EXOC6B: variants seen among roughly 807,000 people sequenced by gnomAD.
EXOC6B encodes exocyst complex component 6B, also known as SEC15 homolog B.
Under a neutral mutation model 113.5 loss-of-function variants are expected in EXOC6B, and 54 were observed. The observed-to-expected ratio is 0.48, with a 90% CI of 0.38 to 0.60. The LOEUF is 0.60. Ranked by LOEUF, EXOC6B falls within the 20% of genes least tolerant of loss-of-function variation. The pLI is 0.00. For missense variants in EXOC6B, 797 were observed against 977.5 expected (o/e 0.82, Z 2.46); for synonymous variants, 357 against 339.0 (o/e 1.05, Z -0.58).
chr2:72,418,713 A>C (rs1275056212), intron 18 of EXOC6B, among the ~76,000 whole-genome samples: 1 of 152,114 alleles, frequency 6.6e-6, no homozygotes, highest in Non-Finnish European at 1.5e-5. Flanking sequence ...ATCTAAAGTG[A>C]ATTTCTTATA....
intron 19 of EXOC6B, among the ~76,000 whole-genome samples, chr2:72,343,489 C>G (rs1003502947): frequency 1.4e-4 from 22 of 152,164 alleles, no homozygotes; most frequent in South Asian, 1.0e-3. Flanking sequence ...TTATAATTGC[C>G]CATGTATGTA....
chr2:72,563,587 C>T lies in EXOC6B; in HGVS notation c.847-4066G>A, dbSNP rs148416532. On this transcript the variant is annotated intron_variant, in intron 7 of 21. Transcript: ENST00000272427. Reference sequence around the variant, plus strand: ...ACTTTAAAATGGGATTAATCAAAGGCCCCCTGAAAAAATATTATGAGCCCC... The same window carrying T: ...ACTTTAAAATGGGATTAATCAAAGGTCCCCTGAAAAAATATTATGAGCCCC... Among the ~76,000 whole-genome samples the T allele has an allele frequency of 1.5e-3, 227 of 152,028 alleles. 1 individual carries two copies. Among genetic ancestry groups the T allele is most frequent in the South Asian group, 2.7e-3 (13 of 4,814 alleles).
At chr2:72,490,167 A>G (rs10181491) in intron 16 of EXOC6B, among the ~76,000 whole-genome samples, 4,395 of 152,238 alleles carry the variant, frequency 0.029, 214 homozygotes, top group African/African-American at 0.099. Context: ...TGTTAGGATG[A>G]AATAATTAAA....
intron 19 of EXOC6B, among the ~76,000 whole-genome samples, chr2:72,360,369 T>C (rs1690236026): frequency 6.6e-6 from 1 of 152,186 alleles, no homozygotes; most frequent in South Asian, 2.1e-4. Context: ...ATTACAGGCA[T>C]GAGCCACTGC....
intron 6 of EXOC6B, among the ~76,000 whole-genome samples, chr2:72,670,402 G>A (rs754453746): frequency 6.6e-6 from 1 of 152,130 alleles, no homozygotes; most frequent in Admixed American, 6.5e-5. Flanking sequence ...GGCAGTATTA[G>A]GTTTGACAGA....
chr2:72,285,886 G>A lies in EXOC6B; in HGVS notation c.2196+49061C>T, dbSNP rs370449230. On this transcript the variant is annotated intron_variant, in intron 20 of 21. Coordinates refer to ENST00000272427, the MANE Select transcript of EXOC6B (RefSeq NM_015189.3). The stretch of plus-strand genomic sequence containing the variant: ...TGGCATAAAATAAGCATATTAAAAA[G>A]ACGATCCACATCATATGTCCTCAGG... 1.5e-4 allele frequency among the ~76,000 whole-genome samples: 23 copies of A among 152,048 alleles called. 1 individual carries two copies. Among genetic ancestry groups the A allele is most frequent in the African/African-American group, 4.6e-4 (19 of 41,504 alleles).
chr2:72,679,439 C>T (rs1333983805), intron 6 of EXOC6B, among the ~76,000 whole-genome samples: 1 of 152,004 alleles, frequency 6.6e-6, no homozygotes, highest in African/African-American at 2.4e-5. Flanking sequence ...ATTAGGAACC[C>T]CTGATTAAAA....
intron 18 of EXOC6B, 130 bp from the exon 19 acceptor site, chr2:72,380,000 T>C: frequency 1.3e-6 from 1 of 765,438 alleles, no homozygotes; most frequent in Non-Finnish European, 1.9e-6. Flanking sequence ...CATAATACCC[T>C]TCCATTCAAA....
At chr2:72,397,762 G>A (rs908416693) in intron 18 of EXOC6B, among the ~76,000 whole-genome samples, 29 of 152,060 alleles carry the variant, frequency 1.9e-4, no homozygotes, top group African/African-American at 7.0e-4. Flanking sequence ...GAAATCATAT[G>A]AGAGATGTGC....
chr2:72,368,234 A>G (rs1225410013), intron 19 of EXOC6B, among the ~76,000 whole-genome samples: 1 of 152,098 alleles, frequency 6.6e-6, no homozygotes, highest in African/African-American at 2.4e-5. Context: ...TACTATAAAC[A>G]CCTCTACGCA....
chr2:72,719,461 T>C (rs113089043), intron 5 of EXOC6B, among the ~76,000 whole-genome samples: 5,604 of 152,232 alleles, frequency 0.037, 324 homozygotes, highest in African/African-American at 0.12. Flanking sequence ...AGGCTATGCA[T>C]ACCTGCAGGC....
intron 20 of EXOC6B, among the ~76,000 whole-genome samples, chr2:72,264,862 C>T (rs1172463188): frequency 6.6e-6 from 1 of 152,080 alleles, no homozygotes; most frequent in South Asian, 2.1e-4. Flanking sequence ...CTGAGGCCTC[C>T]TCAGCCATGC....
Position 72,184,469 on chromosome 2 carries a change from C to T in EXOC6B, c.2197-282G>A, listed in dbSNP as rs141021763. Among the ~76,000 whole-genome samples, 52 of 152,216 alleles carry T rather than the reference C, an allele frequency of 3.4e-4. No individual in the cohort carries two copies. In the South Asian group the frequency reaches 7.3e-3, roughly 21 times the overall value. Reference sequence around the variant, plus strand: ...AGGCAACCCTGTAAAGAAACTAACACGGGACTGAATCAAATATGATAATAA... The same window carrying T: ...AGGCAACCCTGTAAAGAAACTAACATGGGACTGAATCAAATATGATAATAA... On this transcript the variant is annotated intron_variant, in intron 20 of 21. Coordinates refer to ENST00000272427, the MANE Select transcript of EXOC6B (RefSeq NM_015189.3).
At chr2:72,414,136 T>C (rs1009602161) in intron 18 of EXOC6B, among the ~76,000 whole-genome samples, 6 of 152,240 alleles carry the variant, frequency 3.9e-5, no homozygotes, top group African/African-American at 1.4e-4. Context: ...ATTTTAGCTT[T>C]AATTCATGAG....
intron 18 of EXOC6B, among the ~76,000 whole-genome samples, chr2:72,428,002 A>AAGAGGAGCTACCCTCTCCTAGAAGCTG (rs1695303944): frequency 6.6e-6 from 1 of 152,104 alleles, no homozygotes; most frequent in South Asian, 2.1e-4. Context: ...CCTGCCTGCA[A>AAGAGGAGCTACCCTCTCCTAGAAGCTG]AGAGGAGCTA....
intron 6 of EXOC6B, among the ~76,000 whole-genome samples, chr2:72,657,562 C>CCTTTTTTTTTTTTT (rs1674678141): frequency 2.4e-5 from 1 of 41,910 alleles, no homozygotes; most frequent in African/African-American, 1.2e-4. Context: ...TTCCTCTTTC[C>CCTTTTTTTTTTTTT]TTTTCTTTTT....
At chr2:72,485,014 CT>C (rs1225873507) in intron 16 of EXOC6B, among the ~76,000 whole-genome samples, 1 of 152,108 alleles carries the variant, frequency 6.6e-6, no homozygotes, top group East Asian at 1.9e-4. Flanking sequence ...AATGTTATTT[CT>C]TGGTTCTAGA....
rs923877882 is a variant in EXOC6B, at chr2:72,508,184, A to AAAAAAAAAAAAAAAAAAAAAAAAAAAAAC, written c.1167+4947_1167+4948insGTTTTTTTTTTTTTTTTTTTTTTTTTTTT. 4.5e-5 allele frequency among the ~76,000 whole-genome samples: 4 copies of AAAAAAAAAAAAAAAAAAAAAAAAAAAAAC among 89,108 alleles called. 1 individual carries two copies. Among genetic ancestry groups the AAAAAAAAAAAAAAAAAAAAAAAAAAAAAC allele is most frequent in the African/African-American group, 2.0e-4 (3 of 15,020 alleles). The allele number at this position is 89,108 out of a possible 152,430, so 58.5% of individuals were successfully genotyped here. A position where few individuals can be genotyped will look rare whatever the true frequency, so the allele number is the denominator to read the frequency against. ...CCCGCAAAAAAAAAAAAAAAAAAAAAACACCTAAAAACAGTACTTTGATGG... is the reference window on the plus strand; with the variant it reads ...CCCGCAAAAAAAAAAAAAAAAAAAAAAAAAAAAAAAAAAAAAAAAAAAAAAAAACACACCTAAAAACAGTACTTTGATGG... On this transcript the variant is annotated intron_variant, in intron 11 of 21. Transcript: ENST00000272427.
chr2:72,413,193 C>T (rs1323761420), intron 18 of EXOC6B, among the ~76,000 whole-genome samples: 1 of 151,524 alleles, frequency 6.6e-6, no homozygotes, highest in African/African-American at 2.4e-5. Flanking sequence ...GATCTCCTGA[C>T]CTCGTGATCC....
Sources: gnomAD v4.1 joint callset for allele counts (sites outside exome capture counted in the v4.1 genomes callset) on GRCh38, gnomAD v4.1.1 for gene constraint, MANE v1.5 for transcripts, NCBI Gene and HGNC (gene_info 2026-07-23, HGNC 2026-07-21) for gene names.